The following ITGA8 variants were observed in gnomAD, a reference collection of about 807,000 sequenced individuals.
The protein encoded by ITGA8 is integrin alpha-8.
ITGA8 carries 91 observed loss-of-function variants against 142.3 expected under a neutral mutation model. The ratio of observed to expected loss-of-function variants is 0.64; its 90% CI spans 0.54 to 0.76. The LOEUF is 0.76. Ranked by LOEUF, ITGA8 falls within the 30% of genes least tolerant of loss-of-function variation. The pLI, the probability that ITGA8 is intolerant of heterozygous loss-of-function variation, is 0.00. For synonymous variants in ITGA8, 505 were observed against 485.2 expected, an observed-to-expected ratio of 1.04 and a Z score of -0.54; for missense variants, 1,406 against 1,327.7, an observed-to-expected ratio of 1.06 and a Z score of -0.92.
Position 15,603,903 on chromosome 10 carries a change from G to A in ITGA8, c.2118+305C>T, listed in dbSNP as rs1833147189. On this transcript the variant is annotated intron_variant, in intron 20 of 29. Transcript: ENST00000378076. ...AAAAGTCAGTGAAGACAGGGAGTTA[G>A]CTTGGGAGTTTAGCTTTTTGATCGC... 3.9e-5 allele frequency among the ~76,000 whole-genome samples: 6 copies of A among 152,196 alleles called. No homozygotes were observed. In the South Asian group the frequency reaches 1.2e-3, roughly 32 times the overall value.
intron 27 of ITGA8, among the ~76,000 whole-genome samples, chr10:15,541,720 C>T (rs1029915227): frequency 1.3e-5 from 2 of 152,120 alleles, no homozygotes; most frequent in Admixed American, 6.5e-5. Flanking sequence ...GGAGCTTACC[C>T]TCTGATGTCA....
intron 25 of ITGA8, among the ~76,000 whole-genome samples, chr10:15,564,480 G>C (rs1363958111): frequency 1.3e-5 from 2 of 152,234 alleles, no homozygotes. Context: ...CCACTAAAGT[G>C]TCTTCTGTAG....
At chr10:15,552,790 T>C (rs1391388754) in intron 26 of ITGA8, among the ~76,000 whole-genome samples, 1 of 152,194 alleles carries the variant, frequency 6.6e-6, no homozygotes, top group Non-Finnish European at 1.5e-5. Context: ...CAGTGTTTGG[T>C]TTTCTGTTCT....
Position 15,517,056 on chromosome 10 carries a change from A to C in ITGA8, c.*102T>G, listed in dbSNP as rs773023395. The C allele has an allele frequency of 9.5e-5, 69 of 728,436 alleles. 1 individual carries two copies. The highest frequency in any genetic ancestry group is 1.6e-4 in the South Asian group (8 of 51,232). The allele number at this position is 728,436 out of a possible 1,614,324, so 45.1% of individuals were successfully genotyped here. On this transcript the variant is annotated 3_prime_UTR_variant, in exon 30 of 30. Transcript: ENST00000378076. The stretch of plus-strand genomic sequence containing the variant: ...CAGGGTCCCCTCCATTTCCTGGGTC[A>C]CTGTCAGGTATCAGAAAGCTTTGAT...
intron 12 of ITGA8, among the ~76,000 whole-genome samples, chr10:15,645,532 C>T (rs1833964651): frequency 6.6e-6 from 1 of 152,128 alleles, no homozygotes; most frequent in African/African-American, 2.4e-5. Flanking sequence ...TCCCTGGAAC[C>T]ATAAGCTTTT....
intron 27 of ITGA8, among the ~76,000 whole-genome samples, chr10:15,534,847 G>T (rs965404177): frequency 6.6e-6 from 1 of 152,208 alleles, no homozygotes; most frequent in South Asian, 2.1e-4. Context: ...CGCCTCCTCT[G>T]CCTGGGCTCC....
chr10:15,674,799 G>A (rs1322413369), intron 6 of ITGA8, among the ~76,000 whole-genome samples: 1 of 152,058 alleles, frequency 6.6e-6, no homozygotes, highest in Non-Finnish European at 1.5e-5. Flanking sequence ...AATTAGCCAG[G>A]TGTGGTGGCA....
chr10:15,660,818 C>A, intron 9 of ITGA8, 61 bp downstream of exon 9: 2 of 1,314,416 alleles, frequency 1.5e-6, no homozygotes, highest in Non-Finnish European at 2.2e-6. Flanking sequence ...AGATGTAATT[C>A]CATCAAGGAG....
At chr10:15,593,468 C>T (rs1832958731) in intron 21 of ITGA8, among the ~76,000 whole-genome samples, 1 of 152,156 alleles carries the variant, frequency 6.6e-6, no homozygotes, top group Admixed American at 6.5e-5. Flanking sequence ...AAGTACCTTG[C>T]TCCAGGTGCA....
intron 2 of ITGA8, among the ~76,000 whole-genome samples, chr10:15,694,085 T>C (rs1256532828): frequency 6.8e-6 from 1 of 146,702 alleles, no homozygotes; most frequent in African/African-American, 2.5e-5. Context: ...TCTATCTATA[T>C]TATATTTATA....
rs1835527049 is a variant in ITGA8, at chr10:15,719,736, G to A, written c.36C>T (p.Ser12=). Residue 12 remains serine, a synonymous_variant, in exon 1 of 30, where the codon AGC becomes AGT. Transcript: ENST00000378076. ...AGAGGGGCGCGATCAGCGGCGCCTG[G>A]CTTCCCCGGGGACCGCGGCTGGCCC... is the stretch of plus-strand genomic sequence containing the variant. The part of the protein sequence containing the change: ...SPGASRGPRG[S]QAPLIAPLCC... 1.5e-6 allele frequency: 2 copies of A among 1,371,252 alleles called. No individual in the cohort carries two copies. The highest frequency in any genetic ancestry group is 1.9e-6 in the Non-Finnish European group (2 of 1,070,136). 84.9% of individuals were successfully genotyped at this position (1,371,252 alleles called of 1,614,324 possible).
At chr10:15,520,200 TC>T (rs1435811513) in intron 28 of ITGA8, among the ~76,000 whole-genome samples, 1 of 152,068 alleles carries the variant, frequency 6.6e-6, no homozygotes, top group African/African-American at 2.4e-5. Context: ...TTGCCTGAGC[TC>T]AGGAGGTCGA....
chr10:15,649,131 AGAGT>A (rs2131657277), intron 11 of ITGA8, among the ~76,000 whole-genome samples: 1 of 152,270 alleles, frequency 6.6e-6, no homozygotes, highest in East Asian at 1.9e-4. Flanking sequence ...GAGTGAGGGT[AGAGT>A]GAGTGTCTAG....
intron 2 of ITGA8, among the ~76,000 whole-genome samples, chr10:15,706,369 T>C: frequency 6.6e-6 from 1 of 152,084 alleles, no homozygotes; most frequent in East Asian, 1.9e-4. Flanking sequence ...AAGGGAACGG[T>C]CTTCTACCTA....
At chr10:15,659,300 GAAAT>G (rs1197804371) in intron 9 of ITGA8, among the ~76,000 whole-genome samples, 1 of 152,136 alleles carries the variant, frequency 6.6e-6, no homozygotes, top group Non-Finnish European at 1.5e-5. Context: ...CTGAACTGGA[GAAAT>G]AAAAGTTGAA....
intron 2 of ITGA8, among the ~76,000 whole-genome samples, chr10:15,704,729 C>T (rs1835226524): frequency 1.3e-5 from 2 of 152,134 alleles, no homozygotes; most frequent in African/African-American, 4.8e-5. Context: ...GTAATGAAAA[C>T]CTCTCAGCAT....
In ITGA8 at chr10:15,519,367, T is replaced by C; in HGVS notation, c.3028A>G (p.Ile1010Val). 1 of 1,613,716 alleles carries C rather than the reference T, an allele frequency of 6.2e-7. No homozygotes were observed. The highest frequency in any genetic ancestry group is 8.5e-7 in the Non-Finnish European group (1 of 1,179,726). ...GCTAGTATTATTACCCATAATGGGA[T>C]TGAGAAGGAAACATTCGGAGTTGCC... ...IWATPNVSFS[I>V]PLWVIILAIL... The change falls in exon 29 of 30, where the codon ATC (isoleucine) becomes GTC (valine). Residue 1010 changes from isoleucine (I) to valine (V), a missense_variant. Physicochemically the swap from Ile to Val is conservative, Grantham distance 29. Transcript: ENST00000378076.
chr10:15,713,959 T>A (rs1458556414), intron 2 of ITGA8, among the ~76,000 whole-genome samples: 2 of 152,148 alleles, frequency 1.3e-5, no homozygotes, highest in Non-Finnish European at 2.9e-5. Flanking sequence ...CTCAGATGAC[T>A]TCCAAATCTC....
At chr10:15,633,324 A>G (rs1410078094) in intron 13 of ITGA8, among the ~76,000 whole-genome samples, 1 of 152,218 alleles carries the variant, frequency 6.6e-6, no homozygotes, top group African/African-American at 2.4e-5. Context: ...TAAAGAAGGT[A>G]TGGTTAAAAA....
Sources: allele counts gnomAD v4.1 joint callset (sites outside exome capture counted in the v4.1 genomes callset), GRCh38; gene constraint gnomAD v4.1.1; transcripts MANE v1.5; gene names NCBI Gene and HGNC (gene_info 2026-07-23, HGNC 2026-07-21).